The following PDE4DIP variants were observed in gnomAD, a reference collection of about 807,000 sequenced individuals.
PDE4DIP encodes the protein myomegalin.
PDE4DIP carries 59 observed loss-of-function variants against 221.4 expected under a neutral mutation model. The observed-to-expected ratio is 0.27, with a 90% CI of 0.22 to 0.33. The LOEUF (loss-of-function observed/expected upper bound fraction) is 0.33. PDE4DIP is among the 10% of genes least tolerant of loss of function. PDE4DIP has a pLI of 1.00. For missense variants in PDE4DIP, 1,036 were observed against 2,154.2 expected, an observed-to-expected ratio of 0.48 and a Z score of 10.28; for synonymous variants, 404 against 815.9, an observed-to-expected ratio of 0.50 and a Z score of 8.60.
intron 5 of PDE4DIP, chr1:148,951,938 G>A (rs1553489183): frequency 3.7e-6 from 3 of 811,748 alleles, no homozygotes; most frequent in Non-Finnish European, 4.5e-6. Context: ...CAGGCCCTTA[G>A]AACCCAGGCG....
chr1:148,931,589 C>G (rs1342769371), intron 2 of PDE4DIP: 1 of 510,984 alleles, frequency 2.0e-6, no homozygotes, highest in Non-Finnish European at 3.6e-6. Context: ...CATCTCACAC[C>G]AGTCAGAATG....
At chr1:149,021,395 C>G in intron 37 of PDE4DIP, 1 of 460,094 alleles carries the variant, frequency 2.2e-6, no homozygotes, top group Non-Finnish European at 3.8e-6. Flanking sequence ...CTAGACATTC[C>G]TATCAATGTC....
At chr1:149,030,055 C>G (rs1328994161) in intron 42 of PDE4DIP, 130 bp downstream of exon 45, 6 of 1,036,360 alleles carry the variant, frequency 5.8e-6, no homozygotes, top group Non-Finnish European at 8.6e-6. Context: ...TGTCCCCAAA[C>G]CTCCTGTACC....
intron 21 of PDE4DIP, among the ~76,000 whole-genome samples, chr1:148,989,719 T>C (rs611680): frequency 0.24 from 37,067 of 152,124 alleles, 4,746 homozygotes; most frequent in East Asian, 0.52. Context: ...AGTCTGTTTT[T>C]TGTCACTGAG....
chr1:149,006,092 C>T (rs1293612538), intron 27 of PDE4DIP, among the ~76,000 whole-genome samples: 9 of 152,250 alleles, frequency 5.9e-5, no homozygotes, highest in African/African-American at 2.2e-4. Context: ...GAGATGGCAC[C>T]ACTGCACTCC....
In PDE4DIP at chr1:148,892,359, C is replaced by A. The variant is rs1166148428; in HGVS notation, c.141+2465C>A. Among the ~76,000 whole-genome samples, 2 of 122,082 alleles carry A rather than the reference C, an allele frequency of 1.6e-5. 1 individual carries two copies. Among genetic ancestry groups the A allele is most frequent in the Non-Finnish European group, 3.3e-5 (2 of 60,874 alleles). 80.1% of individuals were successfully genotyped at this position (122,082 alleles called of 152,430 possible). On this transcript the variant is annotated intron_variant, in intron 1 of 43. Transcript: ENST00000369354. ...CTGGATCATTTGATCTCACTCTCTG[C>A]TCCGCCCTAGCGAAAGATCTTTAGG...
chr1:148,979,423 G>A (rs1329454708), intron 19 of PDE4DIP, among the ~76,000 whole-genome samples: 6 of 152,122 alleles, frequency 3.9e-5, no homozygotes, highest in Admixed American at 3.9e-4. Context: ...ATACTAGTAA[G>A]TCCTATTATA....
chr1:148,941,042 C>T (rs1369071498), intron 5 of PDE4DIP, among the ~76,000 whole-genome samples: 2 of 97,036 alleles, frequency 2.1e-5, no homozygotes, highest in Non-Finnish European at 4.0e-5. Context: ...GAAACACCCC[C>T]ACAAAATTTC....
chr1:149,015,022 T>A (rs1256355444), intron 32 of PDE4DIP, among the ~76,000 whole-genome samples: 2 of 151,914 alleles, frequency 1.3e-5, no homozygotes, highest in Admixed American at 1.3e-4. Flanking sequence ...AGGTAGGAAA[T>A]CATGTATTTG....
At chr1:148,815,566 AAG>A in intron 1 of PDE4DIP, among the ~76,000 whole-genome samples, 1 of 116,654 alleles carries the variant, frequency 8.6e-6, no homozygotes, top group African/African-American at 3.1e-5. Flanking sequence ...AAAAAAAAAA[AAG>A]AACTAAATAA....
intron 1 of PDE4DIP, among the ~76,000 whole-genome samples, chr1:148,919,277 G>C (rs1402512813): frequency 2.9e-4 from 44 of 151,552 alleles, no homozygotes; most frequent in African/African-American, 1.1e-3. Context: ...TCATTCTTAT[G>C]GGCAAGAAGG....
intron 6 of PDE4DIP, among the ~76,000 whole-genome samples, chr1:148,961,470 G>A (rs71664017): frequency 2.6e-3 from 367 of 139,716 alleles, no homozygotes; most frequent in East Asian, 0.011. Context: ...TGTGGCCTGG[G>A]TGCCCTTATA....
At chr1:148,940,370 A>T (rs113341377) in intron 5 of PDE4DIP, among the ~76,000 whole-genome samples, 3,226 of 152,272 alleles carry the variant, frequency 0.021, 109 homozygotes, top group African/African-American at 0.074. Context: ...TGCTTTTTAA[A>T]CATTGCCTAA....
chr1:148,905,178 G>GTTTTTTTT (rs56687289), intron 1 of PDE4DIP, among the ~76,000 whole-genome samples: 15 of 94,504 alleles, frequency 1.6e-4, no homozygotes, highest in Admixed American at 5.6e-4. Context: ...TCTCTTCTAG[G>GTTTTTTTT]TTTTTTTTTT....
chr1:148,816,454 G>GT (rs1169327920), intron 1 of PDE4DIP, among the ~76,000 whole-genome samples: 2 of 149,428 alleles, frequency 1.3e-5, no homozygotes, highest in Non-Finnish European at 3.0e-5. Flanking sequence ...GATATTTTCT[G>GT]TTTTTGTTTT....
exon 19 of PDE4DIP, chr1:148,978,301 T>A (rs2060541164): frequency 6.2e-7 from 1 of 1,611,088 alleles, no homozygotes. Context: ...AACTGGTTGA[T>A]CCTGAAGACA....
intron 1 of PDE4DIP, among the ~76,000 whole-genome samples, chr1:148,918,622 TACACACAC>T (rs57116412): frequency 6.5e-5 from 6 of 92,240 alleles, no homozygotes; most frequent in African/African-American, 1.4e-4. Flanking sequence ...TCTCTCTCTC[TACACACAC>T]ACACACACAC....
At chr1:148,915,135 TTTG>T (rs1553457271) in intron 1 of PDE4DIP, among the ~76,000 whole-genome samples, 1 of 68,646 alleles carries the variant, frequency 1.5e-5, no homozygotes, top group Non-Finnish European at 3.8e-5. Context: ...TTCTGGTTTT[TTTG>T]TTTGTTTGTT....
chr1:148,927,305 C>G (rs1553466418), intron 1 of PDE4DIP, among the ~76,000 whole-genome samples: 2 of 151,926 alleles, frequency 1.3e-5, no homozygotes, highest in Non-Finnish European at 2.9e-5. Context: ...TCAAAAGGTA[C>G]CTACTTATGA....
Sources: allele counts gnomAD v4.1 joint callset (sites outside exome capture counted in the v4.1 genomes callset), GRCh38; gene constraint gnomAD v4.1.1; transcripts MANE v1.5; gene names NCBI Gene and HGNC (gene_info 2026-07-23, HGNC 2026-07-21).